The following GART variants were observed in gnomAD, a reference collection of about 807,000 sequenced individuals.
GART encodes the protein phosphoribosylglycinamide formyltransferase, phosphoribosylglycinamide synthetase, phosphoribosylaminoimidazole synthetase.
Under a neutral mutation model 107.2 loss-of-function variants are expected in GART, and 43 were observed. The ratio of observed to expected loss-of-function variants is 0.40; its 90% CI spans 0.31 to 0.52. The LOEUF is 0.52. GART is among the 20% of genes least tolerant of loss of function. GART has a pLI of 0.52. For synonymous variants in GART, 434 were observed against 427.0 expected (o/e 1.02, Z -0.20); for missense variants, 1,107 against 1,206.5 (o/e 0.92, Z 1.22).
chr21:33,530,982 G>A (rs1351415357), intron 6 of GART, 98 bp from the exon 7 acceptor site: 4 of 1,179,152 alleles, frequency 3.4e-6, no homozygotes, highest in Admixed American at 3.9e-5. Flanking sequence ...TCTTCTTTGA[G>A]GAAAAGTTTG....
chr21:33,511,203 A>G, intron 17 of GART, 49 bp downstream of exon 17: 1 of 1,603,852 alleles, frequency 6.2e-7, no homozygotes, highest in Non-Finnish European at 8.5e-7. Flanking sequence ...GTATAGCTAA[A>G]ATTATACAGC....
intron 2 of GART, among the ~76,000 whole-genome samples, chr21:33,537,541 C>G (rs1289617797): frequency 2.0e-5 from 3 of 152,262 alleles, no homozygotes; most frequent in Admixed American, 2.0e-4. Context: ...AAAATAAACA[C>G]AGACATTCAT....
At chr21:33,510,914 CCTGA>C (rs2084774185) in intron 17 of GART, among the ~76,000 whole-genome samples, 1 of 152,130 alleles carries the variant, frequency 6.6e-6, no homozygotes, top group African/African-American at 2.4e-5. Flanking sequence ...CTCGCAGAGT[CCTGA>C]CTGATACAGT....
intron 18 of GART, among the ~76,000 whole-genome samples, 199 bp from the exon 19 acceptor site, chr21:33,506,303 C>G (rs2084680832): frequency 6.6e-6 from 1 of 152,094 alleles, no homozygotes; most frequent in African/African-American, 2.4e-5. Context: ...ACCACCACAC[C>G]TGGCTAATTT....
intron 16 of GART, among the ~76,000 whole-genome samples, chr21:33,512,763 AT>A (rs11356836): frequency 0.74 from 106,505 of 144,578 alleles, 38,564 homozygotes; most frequent in African/African-American, 0.88. Flanking sequence ...TATTTAAAAA[AT>A]TTTTTTTTTG....
rs1569020844 is a variant in GART at position 33,520,982 on chromosome 21, A to C, written c.1427T>G (p.Leu476Arg). ...CKVDLGGFAGLFDLKAAGFKD... is the reference protein window; with the variant it reads ...CKVDLGGFAGRFDLKAAGFKD... The stretch of plus-strand genomic sequence containing the variant: ...GAAACCAGCTGCTTTTAAATCAAAA[A>C]GACCAGCAAAACCTCCAAGATCAAC... Residue 476 changes from leucine to arginine, a missense_variant, in exon 13 of 22, where the codon CTT (leucine) becomes CGT (arginine). Transcript: ENST00000381815. 2 of 1,614,134 alleles carry C rather than the reference A, an allele frequency of 1.2e-6. No individual in the cohort carries two copies. Among genetic ancestry groups the C allele is most frequent in the Non-Finnish European group, 8.5e-7 (1 of 1,179,984 alleles).
Position 33,505,957 on chromosome 21 carries a change from T to C in GART, c.2583+17A>G, listed in dbSNP as rs747577159. 1 of 1,613,604 alleles carries C rather than the reference T, an allele frequency of 6.2e-7. No individual in the cohort carries two copies. The highest frequency in any genetic ancestry group is 1.3e-5 in the African/African-American group (1 of 74,886). ...TAAATATGGCCCACAGCAAAGATAT[T>C]TTCCCAAGTAACTTACTCTAGTGGG... On this transcript the variant is annotated intron_variant, in intron 19 of 21. Transcript: ENST00000381815.
In GART at chr21:33,524,762, G is replaced by C. The variant is rs759791051; in HGVS notation, c.1298+7C>G. On this transcript the variant is annotated splice_region_variant and intron_variant, in intron 11 of 21. Coordinates refer to ENST00000381815, the MANE Select transcript of GART (RefSeq NM_000819.5). Reference sequence around the variant, plus strand: ...TGGCACTACAGCTAACTTGCTTAGAGTTTTACCTGGGCTGCTGGAGGAAAG... The same window carrying C: ...TGGCACTACAGCTAACTTGCTTAGACTTTTACCTGGGCTGCTGGAGGAAAG... 1 of 1,614,174 alleles carries C rather than the reference G, an allele frequency of 6.2e-7. No homozygotes were observed. Among genetic ancestry groups the C allele is most frequent in the South Asian group, 1.1e-5 (1 of 91,086 alleles).
Position 33,524,905 on chromosome 21 carries a change from C to T in GART, c.1162G>A (p.Ala388Thr). The part of the protein sequence containing the change: ...KVVTHGGRVL[A>T]VTAIRENLIS... Reference sequence around the variant, plus strand: ...AGATTTTCCCGGATGGCTGTGACTGCAAGAACTCTACCCCCATGAGTTACT... The same window carrying T: ...AGATTTTCCCGGATGGCTGTGACTGTAAGAACTCTACCCCCATGAGTTACT... The change falls in exon 11 of 22, where the codon GCA (alanine) becomes ACA (threonine). Residue 388 changes from alanine to threonine, a missense_variant. Physicochemically the swap from Ala to Thr is moderately conservative, Grantham distance 58. Transcript: ENST00000381815. The T allele has an allele frequency of 3.1e-6, 5 of 1,614,196 alleles. No homozygotes were observed. Among genetic ancestry groups the T allele is most frequent in the Non-Finnish European group, 4.2e-6 (5 of 1,180,044 alleles).
intron 18 of GART, among the ~76,000 whole-genome samples, chr21:33,507,911 G>A (rs2145676588): frequency 6.6e-6 from 1 of 152,242 alleles, no homozygotes; most frequent in East Asian, 1.9e-4. Context: ...ATAAATGCTT[G>A]AGGTGATGAA....
At chr21:33,507,200 G>GGA (rs2084696961) in intron 18 of GART, among the ~76,000 whole-genome samples, 1 of 152,134 alleles carries the variant, frequency 6.6e-6, no homozygotes, top group East Asian at 1.9e-4. Context: ...ATCACACAAT[G>GGA]GAGTACTATT....
intron 10 of GART, among the ~76,000 whole-genome samples, chr21:33,527,923 C>T (rs142518012): frequency 6.6e-6 from 1 of 152,138 alleles, no homozygotes; most frequent in Non-Finnish European, 1.5e-5. Context: ...GGGTGACACT[C>T]GGGAGATGTG....
At chr21:33,513,083 TTGTGTGTGTGTGTGTGTGTCTCTG>T (rs1036444482) in intron 16 of GART, among the ~76,000 whole-genome samples, 1 of 142,240 alleles carries the variant, frequency 7.0e-6, no homozygotes, top group Non-Finnish European at 1.5e-5. Flanking sequence ...ACTTGGTTAT[TTGTGTGTGTGTGTGTGTGTCTCTG>T]TGTGTGTGTG....
At chr21:33,507,342 A>G (rs1321050381) in intron 18 of GART, among the ~76,000 whole-genome samples, 1 of 152,188 alleles carries the variant, frequency 6.6e-6, no homozygotes, top group African/African-American at 2.4e-5. Flanking sequence ...GGGAGCTAAA[A>G]ATTAAAACAG....
At chr21:33,522,094 T>C (rs1349666631) in intron 12 of GART, 94 bp downstream of exon 12, 9 of 943,830 alleles carry the variant, frequency 9.5e-6, no homozygotes, top group East Asian at 2.4e-5. Flanking sequence ...TAACCAAGCA[T>C]TGCTTTGGAA....
chr21:33,505,926 CG>C lies in GART; in HGVS notation c.2583+47del, dbSNP rs762906290. The C allele has an allele frequency of 3.1e-5, 49 of 1,606,284 alleles. No individual in the cohort carries two copies. The African/African-American group carries it at 5.7e-4, about 19-fold the overall frequency. ...ACCAGGGTCCTGTGAGGGCAGATTA[CG>C]AGCTTAAATATGGCCCACAGCAAAG... On this transcript the variant is annotated intron_variant, in intron 19 of 21. Coordinates refer to ENST00000381815, the MANE Select transcript of GART (RefSeq NM_000819.5).
At chr21:33,518,832 G>T in intron 14 of GART, 1 of 531,060 alleles carries the variant, frequency 1.9e-6, no homozygotes. Flanking sequence ...TCTGCACCAA[G>T]CTGGTTTAAG....
intron 11 of GART, chr21:33,524,280 C>T (rs546774259): frequency 8.1e-6 from 8 of 985,466 alleles, no homozygotes; most frequent in African/African-American, 1.7e-5. Flanking sequence ...CCAAGTGCAG[C>T]GGCTCATGCC....
chr21:33,535,284 A>G lies in GART; in HGVS notation c.182T>C (p.Phe61Ser). The change falls in exon 3 of 22, where the codon TTC becomes TCC. Residue 61 changes from phenylalanine (F) to serine (S), a missense_variant. Transcript: ENST00000381815. ...AAATTCAATTTTCTTCTCTTTGCAG[A>G]ATTGAGCAAGGGCAGTGTGGTCACT... Reference protein sequence around the residue: ...SISDHTALAQFCKEKKIEFVV... With the variant: ...SISDHTALAQSCKEKKIEFVV... The G allele has an allele frequency of 6.7e-7, 1 of 1,490,748 alleles. No individual in the cohort carries two copies. Among genetic ancestry groups the G allele is most frequent in the Non-Finnish European group, 9.0e-7 (1 of 1,105,742 alleles). 92.3% of individuals were successfully genotyped at this position (1,490,748 alleles called of 1,614,324 possible).
Sources: gnomAD v4.1 joint callset for allele counts (sites outside exome capture counted in the v4.1 genomes callset) on GRCh38, gnomAD v4.1.1 for gene constraint, MANE v1.5 for transcripts, NCBI Gene and HGNC (gene_info 2026-07-23, HGNC 2026-07-21) for gene names.